The following HNF4G variants were observed in gnomAD, a reference collection of about 807,000 sequenced individuals.
The protein encoded by HNF4G is hepatocyte nuclear factor 4 gamma.
HNF4G carries 21 observed loss-of-function variants against 50.9 expected under a neutral mutation model. That is an observed-to-expected ratio of 0.41 (90% CI 0.29 to 0.59). The LOEUF (loss-of-function observed/expected upper bound fraction) is 0.59, where lower values mean the gene tolerates loss of function less well. Among genes scored for constraint, HNF4G ranks in the 20% least tolerant of loss-of-function variants. HNF4G has a pLI of 0.26. For missense variants in HNF4G, 527 were observed against 559.4 expected (o/e 0.94, Z 0.58); for synonymous variants, 198 against 185.6 (o/e 1.07, Z -0.54).
At chr8:75,410,161 A>G (rs1345147738) in intron 1 of HNF4G, among the ~76,000 whole-genome samples, 1 of 152,226 alleles carries the variant, frequency 6.6e-6, no homozygotes, top group Non-Finnish European at 1.5e-5. Context: ...TATTACAAAC[A>G]ATGATATGAA....
intron 2 of HNF4G, among the ~76,000 whole-genome samples, chr8:75,529,051 C>T (rs1806255027): frequency 6.6e-6 from 1 of 151,992 alleles, no homozygotes; most frequent in Non-Finnish European, 1.5e-5. Flanking sequence ...CTTTGGGAGG[C>T]CGAGACGGAC....
chr8:75,533,025 G>A (rs950528833), intron 2 of HNF4G, among the ~76,000 whole-genome samples: 1 of 151,884 alleles, frequency 6.6e-6, no homozygotes, highest in Non-Finnish European at 1.5e-5. Flanking sequence ...TGAGGGCAGG[G>A]ATTTTTCTCT....
intron 1 of HNF4G, among the ~76,000 whole-genome samples, chr8:75,417,498 C>T (rs182015242): frequency 1.0e-3 from 155 of 152,274 alleles, no homozygotes; most frequent in African/African-American, 3.6e-3. Flanking sequence ...AAATAGGAAC[C>T]AAGGCCATTC....
intron 1 of HNF4G, among the ~76,000 whole-genome samples, chr8:75,440,706 A>T (rs1354412638): frequency 6.6e-6 from 1 of 152,222 alleles, no homozygotes; most frequent in East Asian, 1.9e-4. Context: ...AACTAAATAC[A>T]CAAATTTTAC....
intron 2 of HNF4G, among the ~76,000 whole-genome samples, chr8:75,499,938 A>C (rs1459529173): frequency 6.6e-6 from 1 of 152,122 alleles, no homozygotes; most frequent in African/African-American, 2.4e-5. Context: ...TCAAATCCTT[A>C]AAAGAAAACA....
chr8:75,483,517 C>A (rs1812428806), intron 1 of HNF4G, among the ~76,000 whole-genome samples: 1 of 152,158 alleles, frequency 6.6e-6, no homozygotes, highest in Non-Finnish European at 1.5e-5. Flanking sequence ...GAGGCCATTT[C>A]TTTTCTCAGC....
At chr8:75,411,925 C>T (rs563468868) in intron 1 of HNF4G, among the ~76,000 whole-genome samples, 2 of 152,266 alleles carry the variant, frequency 1.3e-5, no homozygotes, top group African/African-American at 4.8e-5. Flanking sequence ...ACATTTAGAA[C>T]AGTGCCTGGC....
intron 1 of HNF4G, among the ~76,000 whole-genome samples, chr8:75,429,187 G>A (rs1437395687): frequency 1.3e-5 from 2 of 152,078 alleles, no homozygotes; most frequent in Admixed American, 6.5e-5. Flanking sequence ...AAGACCAAAG[G>A]TTAAATGGAC....
chr8:75,529,276 G>A (rs1361629752), intron 2 of HNF4G, among the ~76,000 whole-genome samples: 1 of 151,800 alleles, frequency 6.6e-6, no homozygotes, highest in Non-Finnish European at 1.5e-5. Context: ...GGGCAACGGA[G>A]CGAGGTTCTG....
chr8:75,539,901 A>G lies in HNF4G; in HGVS notation c.-62A>G. 1.3e-6 allele frequency: 1 copy of G among 775,566 alleles called. No individual in the cohort carries two copies. The highest frequency in any genetic ancestry group is 2.5e-5 in the East Asian group (1 of 39,586). The allele number at this position is 775,566 out of a possible 1,614,324, so 48.0% of individuals were successfully genotyped here. On this transcript the variant is annotated 5_prime_UTR_variant, in exon 1 of 10. Transcript: ENST00000396423. The stretch of plus-strand genomic sequence containing the variant: ...CACTCACAGATTGAAAGCAAAACAC[A>G]TCAAAACACTCATCACGCACTCTGG...
At chr8:75,496,495 G>A (rs1010292890) in intron 2 of HNF4G, among the ~76,000 whole-genome samples, 2 of 151,778 alleles carry the variant, frequency 1.3e-5, no homozygotes, top group African/African-American at 4.8e-5. Flanking sequence ...TTTTCTCAGG[G>A]CATTTTCAAA....
chr8:75,540,057 T>C lies in HNF4G; in HGVS notation c.95T>C (p.Met32Thr), dbSNP rs753142130. Residue 32 changes from methionine to threonine, a missense_variant, in exon 1 of 10, where the codon ATG (methionine) becomes ACG (threonine). Coordinates refer to ENST00000396423, the MANE Select transcript of HNF4G (RefSeq NM_004133.5). ...PTYTTLEFET[M>T]QILYNSSDSS... ...TACACAACTTTGGAGTTTGAAACTA[T>C]GCAGATTCTATATAATTCAAGTGGT... 4 of 1,592,136 alleles carry C rather than the reference T, an allele frequency of 2.5e-6. No homozygotes were observed. The East Asian group carries it at 6.7e-5, about 27-fold the overall frequency.
intron 2 of HNF4G, among the ~76,000 whole-genome samples, chr8:75,505,183 A>T (rs569143953): frequency 2.6e-4 from 39 of 152,078 alleles, no homozygotes; most frequent in Non-Finnish European, 4.9e-4. Flanking sequence ...TTACCCACTA[A>T]ATGTTGGTAG....
At chr8:75,448,854 A>C (rs1811499554) in intron 1 of HNF4G, among the ~76,000 whole-genome samples, 1 of 152,182 alleles carries the variant, frequency 6.6e-6, no homozygotes, top group Admixed American at 6.5e-5. Context: ...GAATTATACA[A>C]ATCAAGCAAC....
intron 1 of HNF4G, among the ~76,000 whole-genome samples, chr8:75,473,824 A>G (rs1812179093): frequency 6.6e-6 from 1 of 152,198 alleles, no homozygotes; most frequent in South Asian, 2.1e-4. Context: ...TGGTAAAGAA[A>G]ACCAGTTTCT....
chr8:75,563,913 G>T (rs1807389945), intron 9 of HNF4G, 62 bp from the exon 10 acceptor site: 3 of 1,589,042 alleles, frequency 1.9e-6, no homozygotes, highest in Non-Finnish European at 1.7e-6. Flanking sequence ...GTTATGTAGG[G>T]TTTAATGGGG....
intron 2 of HNF4G, among the ~76,000 whole-genome samples, chr8:75,517,724 A>C (rs1805929841): frequency 6.6e-6 from 1 of 152,118 alleles, no homozygotes; most frequent in Non-Finnish European, 1.5e-5. Flanking sequence ...GCTGGAGCTA[A>C]GTTCTGCGGC....
upstream of HNF4G, among the ~76,000 whole-genome samples, chr8:75,538,543 T>C (rs1239471248): frequency 2.0e-5 from 3 of 152,228 alleles, no homozygotes; most frequent in Non-Finnish European, 2.9e-5. Context: ...CTTTGGTTCC[T>C]ATAGAAAAGA....
intron 1 of HNF4G, among the ~76,000 whole-genome samples, chr8:75,414,936 A>T (rs1189359436): frequency 1.3e-5 from 2 of 152,212 alleles, no homozygotes; most frequent in Admixed American, 1.3e-4. Flanking sequence ...ATCATAGGCA[A>T]AGAATTACCA....
Sources: allele counts gnomAD v4.1 joint callset (sites outside exome capture counted in the v4.1 genomes callset), GRCh38; gene constraint gnomAD v4.1.1; transcripts MANE v1.5; gene names NCBI Gene and HGNC (gene_info 2026-07-23, HGNC 2026-07-21).